PLCZ1: variants seen among roughly 807,000 people sequenced by gnomAD.
The protein encoded by PLCZ1 is 1-phosphatidylinositol 4,5-bisphosphate phosphodiesterase zeta-1.
PLCZ1 carries 64 observed loss-of-function variants against 76.8 expected under a neutral mutation model. The ratio of observed to expected loss-of-function variants is 0.83; its 90% CI spans 0.68 to 1.03. PLCZ1 has a LOEUF of 1.03. PLCZ1 is among the 50% of genes least tolerant of loss of function. The probability of loss-of-function intolerance (pLI) is 0.00; values close to 1 mark genes in which losing one functional copy is unlikely to be tolerated. For missense variants in PLCZ1, 751 were observed against 713.7 expected, an observed-to-expected ratio of 1.05 and a Z score of -0.60; for synonymous variants, 248 against 230.8, an observed-to-expected ratio of 1.07 and a Z score of -0.68.
intron 3 of PLCZ1, among the ~76,000 whole-genome samples, chr12:18,732,930 G>T (rs551162737): frequency 6.6e-6 from 1 of 152,254 alleles, no homozygotes; most frequent in Admixed American, 6.5e-5. Flanking sequence ...ATATATACAG[G>T]AGTACAAATA....
intron 5 of PLCZ1, among the ~76,000 whole-genome samples, chr12:18,716,367 A>G (rs192959621): frequency 1.1e-3 from 172 of 152,260 alleles, no homozygotes; most frequent in Non-Finnish European, 2.1e-3. Context: ...ACCTTTACAA[A>G]ACTGCATATT....
chr12:18,714,071 C>T (rs529089135), intron 5 of PLCZ1, among the ~76,000 whole-genome samples: 2 of 152,286 alleles, frequency 1.3e-5, no homozygotes, highest in South Asian at 4.2e-4. Context: ...AATCTTCATA[C>T]CCAGCCCAGA....
At chr12:18,657,848 C>A in the PLCZ1 span, among the ~76,000 whole-genome samples, 25 of 151,940 alleles carry the variant, frequency 1.6e-4, no homozygotes, top group Non-Finnish European at 5.9e-5. Flanking sequence ...TAGAAATTAT[C>A]CCTAAGGAAG....
At chr12:18,674,694 CCA>C in the PLCZ1 span, among the ~76,000 whole-genome samples, 6 of 152,136 alleles carry the variant, frequency 3.9e-5, no homozygotes, top group Non-Finnish European at 7.3e-5. Flanking sequence ...GCATAATGTT[CCA>C]CTGCTTGAAG....
chr12:18,697,380 C>A (rs1955215190), intron 10 of PLCZ1, among the ~76,000 whole-genome samples: 1 of 152,062 alleles, frequency 6.6e-6, no homozygotes, highest in Non-Finnish European at 1.5e-5. Flanking sequence ...GCATAGGTGT[C>A]CAAGTATCAT....
chr12:18,650,739 T>G, the PLCZ1 span, among the ~76,000 whole-genome samples: 3 of 33,804 alleles, frequency 8.9e-5, no homozygotes, highest in Admixed American at 7.8e-4. Flanking sequence ...TATATATATA[T>G]ATATATATAT....
rs1954406166 is a variant in PLCZ1, at chr12:18,693,238, A to G, written c.1461+1672T>C. The G allele has an allele frequency of 2.6e-6, 4 of 1,556,830 alleles. No individual in the cohort carries two copies. The South Asian group carries it at 4.5e-5, about 17-fold the overall frequency. On this transcript the variant is annotated intron_variant, in intron 12 of 14. Coordinates refer to ENST00000266505, the MANE Select transcript of PLCZ1 (RefSeq NM_033123.4). ...CCTGGCTGCTCGGTCAGGCTCAACC[A>G]CAAGGTGCATACCATGATAGGGGTG... is the stretch of plus-strand genomic sequence containing the variant.
the PLCZ1 span, among the ~76,000 whole-genome samples, chr12:18,662,765 C>T: frequency 1.3e-5 from 2 of 152,110 alleles, no homozygotes; most frequent in East Asian, 1.9e-4. Flanking sequence ...TGAAGTTAAG[C>T]TGTTATAAAA....
chr12:18,672,613 C>G, the PLCZ1 span, among the ~76,000 whole-genome samples: 15 of 152,108 alleles, frequency 9.9e-5, no homozygotes, highest in Non-Finnish European at 1.0e-4. Flanking sequence ...CATGTAGTTT[C>G]ATTATTTGAC....
chr12:18,658,585 T>C, the PLCZ1 span, among the ~76,000 whole-genome samples: 1 of 152,208 alleles, frequency 6.6e-6, no homozygotes, highest in South Asian at 2.1e-4. Flanking sequence ...ATAAAAACTA[T>C]TTTTGAAAAA....
the PLCZ1 span, among the ~76,000 whole-genome samples, chr12:18,671,678 T>C: frequency 6.6e-6 from 1 of 152,150 alleles, no homozygotes; most frequent in Non-Finnish European, 1.5e-5. Context: ...GCAGACAATT[T>C]ATGGAAAGGA....
chr12:18,694,810 A>T, intron 12 of PLCZ1, 100 bp downstream of exon 12: 1 of 974,696 alleles, frequency 1.0e-6, no homozygotes, highest in South Asian at 1.7e-5. Flanking sequence ...ACAGAAATTT[A>T]AAAGAAATTG....
rs550257491 is a variant in PLCZ1, at chr12:18,705,819, T to C, written c.715-504A>G. ...AGGCAGAGATTACAACGAGCCGAGG[T>C]TGCGCCATTGCATTCCAGCCTGGGT... is the stretch of plus-strand genomic sequence containing the variant. On this transcript the variant is annotated intron_variant, in intron 6 of 14. Transcript: ENST00000266505. Among the ~76,000 whole-genome samples the C allele has an allele frequency of 2.0e-5, 3 of 151,996 alleles. No homozygotes were observed. The South Asian group carries it at 6.2e-4, about 32-fold the overall frequency.
intron 6 of PLCZ1, among the ~76,000 whole-genome samples, chr12:18,711,134 T>A (rs895894255): frequency 1.3e-5 from 2 of 151,768 alleles, no homozygotes; most frequent in African/African-American, 4.8e-5. Context: ...GGAACCAACC[T>A]AAATATCCAA....
chr12:18,675,085 A>G, the PLCZ1 span, among the ~76,000 whole-genome samples: 3 of 152,198 alleles, frequency 2.0e-5, no homozygotes, highest in African/African-American at 7.2e-5. Context: ...GCTATTGAGC[A>G]CTGGAAATGT....
chr12:18,730,867 G>A (rs1288938834), intron 3 of PLCZ1: 1 of 151,848 alleles, frequency 6.6e-6, no homozygotes, highest in African/African-American at 2.4e-5. Flanking sequence ...TTAATAAATC[G>A]AGAAGCAATA....
chr12:18,692,986 A>T (rs1954351137), intron 12 of PLCZ1: 1 of 1,400,208 alleles, frequency 7.1e-7, no homozygotes, highest in Admixed American at 1.7e-5. Flanking sequence ...AGAATTAAAG[A>T]CTATCTTCTC....
chr12:18,658,023 T>A, the PLCZ1 span, among the ~76,000 whole-genome samples: 2 of 151,804 alleles, frequency 1.3e-5, no homozygotes, highest in African/African-American at 2.4e-5. Flanking sequence ...CAAAAAAAAA[T>A]TCTGGATTAA....
At chr12:18,705,443 C>A in intron 6 of PLCZ1, 128 bp from the exon 7 acceptor site, 1 of 1,106,066 alleles carries the variant, frequency 9.0e-7, no homozygotes, top group South Asian at 1.4e-5. Context: ...AATAACTATT[C>A]TTTAAACTGA....
Sources: gnomAD v4.1 joint callset for allele counts (sites outside exome capture counted in the v4.1 genomes callset) on GRCh38, gnomAD v4.1.1 for gene constraint, MANE v1.5 for transcripts, NCBI Gene and HGNC (gene_info 2026-07-23, HGNC 2026-07-21) for gene names.